PIK3R6: variants seen among roughly 807,000 people sequenced by gnomAD.
The protein encoded by PIK3R6 is phosphoinositide 3-kinase regulatory subunit 6.
In PIK3R6, 91 loss-of-function variants were observed where a neutral mutation model predicts 84.9. The ratio of observed to expected loss-of-function variants is 1.07; its 90% confidence interval spans 0.90 to 1.28. PIK3R6 has a LOEUF of 1.28. Among genes scored for constraint, PIK3R6 ranks in the 50% most tolerant of loss-of-function variants. PIK3R6 has a pLI of 0.00. For missense variants in PIK3R6, 996 were observed against 985.1 expected (o/e 1.01, Z -0.15); for synonymous variants, 416 against 411.4 (o/e 1.01, Z -0.13).
At chr17:8,865,080 C>T (rs2089375936) in intron 1 of PIK3R6, among the ~76,000 whole-genome samples, 1 of 152,156 alleles carries the variant, frequency 6.6e-6, no homozygotes, top group Non-Finnish European at 1.5e-5. Flanking sequence ...CTGTTCACAG[C>T]TGCTGCTCCC....
intron 2 of PIK3R6, among the ~76,000 whole-genome samples, chr17:8,848,643 G>A (rs755191803): frequency 1.6e-4 from 24 of 152,166 alleles, no homozygotes; most frequent in Non-Finnish European, 3.4e-4. Context: ...AAGGCTCGTC[G>A]TTGACCAAAA....
intron 1 of PIK3R6, among the ~76,000 whole-genome samples, chr17:8,861,001 C>G (rs186051688): frequency 5.3e-4 from 80 of 152,210 alleles, no homozygotes; most frequent in African/African-American, 1.9e-3. Context: ...TCAAGACCAG[C>G]CTGGCCAACA....
At chr17:8,824,342 C>G (rs928587701) in intron 13 of PIK3R6, among the ~76,000 whole-genome samples, 2 of 152,206 alleles carry the variant, frequency 1.3e-5, no homozygotes, top group African/African-American at 4.8e-5. Context: ...CAGTCCTTCC[C>G]TGGTCCCATA....
intron 18 of PIK3R6, among the ~76,000 whole-genome samples, chr17:8,814,156 T>G (rs930607186): frequency 1.4e-5 from 2 of 148,118 alleles, no homozygotes; most frequent in Non-Finnish European, 3.0e-5. Context: ...GACTGCCCAC[T>G]GAGAAGCCCA....
At position 8,862,482 on chromosome 17, in the gene PIK3R6, G is replaced by A. The variant is rs2089306940; in HGVS notation, c.-92+5047C>T. 6.6e-6 allele frequency among the ~76,000 whole-genome samples: 1 copy of A among 152,108 alleles called. No individual in the cohort carries two copies. The highest frequency in any genetic ancestry group is 2.1e-4 in the South Asian group (1 of 4,832). ...TCAGAATACTGCAAAGAAGACACTG[G>A]TCCCATAAGAAATGTGGAGACAGAC... On this transcript the variant is annotated intron_variant, in intron 1 of 19. Transcript: ENST00000619866. This position sits in a 1 kb window ranked among gnomAD's most constrained non-coding sequence, Gnocchi z 4.3.
chr17:8,828,106 A>G lies in PIK3R6; in HGVS notation c.1392+6T>C. 5 of 1,613,712 alleles carry G rather than the reference A, an allele frequency of 3.1e-6. No homozygotes were observed. The highest frequency in any genetic ancestry group is 4.2e-6 in the Non-Finnish European group (5 of 1,179,750). ...CCCCGCCACCGCCTCCCCGCGGTCC[A>G]GTCACCTCAGGCGCCAGCACGGGGA... On this transcript the variant is annotated splice_donor_region_variant and intron_variant, in intron 12 of 19. Transcript: ENST00000619866.
At chr17:8,837,720 A>G (rs2088526673) in intron 5 of PIK3R6, 83 bp downstream of exon 5, 2 of 1,219,984 alleles carry the variant, frequency 1.6e-6, no homozygotes, top group Non-Finnish European at 2.4e-6. Context: ...CCTGGCGGAG[A>G]CTGAGTGCCC....
Position 8,828,787 on chromosome 17 carries a change from CG to C in PIK3R6, c.1092del (p.Leu366CysfsTer17). ...TTGATGCCCCCTTTGCGCTGCAGCC[CG>C]GCTCGCTCCATCTCAGGGCTGCCGG... Reference protein sequence around the residue: ...PAPGSPEMERAGLQRKGGIKK... With the variant: ...PAPGSPEMERXGLQRKGGIKK... On this transcript the variant is annotated frameshift_variant, in exon 11 of 20. Transcript: ENST00000619866. LOFTEE classifies it high-confidence loss of function. 3 of 1,586,788 alleles carry C rather than the reference CG, an allele frequency of 1.9e-6. No individual in the cohort carries two copies. Among genetic ancestry groups the C allele is most frequent in the Non-Finnish European group, 2.6e-6 (3 of 1,164,340 alleles).
Position 8,834,844 on chromosome 17 carries a change from G to GT in PIK3R6, c.645+428dup, listed in dbSNP as rs35887127. Among the ~76,000 whole-genome samples the GT allele has an allele frequency of 1.8e-3, 260 of 147,206 alleles. 1 individual carries two copies. Among genetic ancestry groups the GT allele is most frequent in the Admixed American group, 3.5e-3 (52 of 14,748 alleles). ...GGCATTATCTTATATCTTATTATTG[G>GT]TTTTTTTTTTGGAAATGGAGTCTCT... is the stretch of plus-strand genomic sequence containing the variant. On this transcript the variant is annotated intron_variant, in intron 8 of 19. Coordinates refer to ENST00000619866, the MANE Select transcript of PIK3R6 (RefSeq NM_001010855.4).
chr17:8,843,198 C>T (rs1345072951), intron 2 of PIK3R6, among the ~76,000 whole-genome samples: 1 of 152,214 alleles, frequency 6.6e-6, no homozygotes, highest in East Asian at 1.9e-4. Context: ...GCATTTCCAC[C>T]TTGCATGAAG....
chr17:8,846,686 G>A lies in PIK3R6; in HGVS notation c.13+3096C>T, dbSNP rs549930070. Among the ~76,000 whole-genome samples the A allele has an allele frequency of 3.3e-5, 5 of 151,924 alleles. No individual in the cohort carries two copies. In the East Asian group the frequency reaches 9.7e-4, roughly 29 times the overall value. ...CTTGTAAAGATCTTTCACCTCCTTG[G>A]ATATCTGACATTTAAACAGCACTTG... On this transcript the variant is annotated intron_variant, in intron 2 of 19. Coordinates refer to ENST00000619866, the MANE Select transcript of PIK3R6 (RefSeq NM_001010855.4).
rs1228600078 is a variant in PIK3R6, at chr17:8,844,360, T to G, written c.14-4663A>C. 6.6e-6 allele frequency among the ~76,000 whole-genome samples: 1 copy of G among 152,216 alleles called. No homozygotes were observed. The highest frequency in any genetic ancestry group is 1.9e-4 in the East Asian group (1 of 5,192). On this transcript the variant is annotated intron_variant, in intron 2 of 19. Coordinates refer to ENST00000619866, the MANE Select transcript of PIK3R6 (RefSeq NM_001010855.4). The surrounding 1 kb of genome is among the most constrained non-coding windows in gnomAD (Gnocchi z 4.5). ...AGGGGGAAGCACTCCAAGTGAATGA[T>G]GCTAGAGTTCATCCTAACCTTGGAA... is the stretch of plus-strand genomic sequence containing the variant.
rs1355718743 is a variant in PIK3R6 at position 8,862,148 on chromosome 17, T to C, written c.-92+5381A>G. On this transcript the variant is annotated intron_variant, in intron 1 of 19. Coordinates refer to ENST00000619866, the MANE Select transcript of PIK3R6 (RefSeq NM_001010855.4). This position sits in a 1 kb window ranked among gnomAD's most constrained non-coding sequence, Gnocchi z 4.3. ...GAGTCATCCCCTGGGGGTCTTGGAG[T>C]GTGTCCCCTGCAGGTAAGGGGACTA... 3.3e-5 allele frequency among the ~76,000 whole-genome samples: 5 copies of C among 152,070 alleles called. No homozygotes were observed. In the East Asian group the frequency reaches 9.7e-4, roughly 29 times the overall value.
chr17:8,865,608 G>GT (rs776977752), intron 1 of PIK3R6, among the ~76,000 whole-genome samples: 9,990 of 143,114 alleles, frequency 0.07, 1,103 homozygotes, highest in African/African-American at 0.24. Context: ...TCATAGCTGT[G>GT]TTTTTTTTTT....
rs1194846997 is a variant in PIK3R6, at chr17:8,835,307, G to A, written c.611C>T (p.Ala204Val). The A allele has an allele frequency of 6.3e-7, 1 of 1,591,928 alleles. No individual in the cohort carries two copies. The highest frequency in any genetic ancestry group is 8.6e-7 in the Non-Finnish European group (1 of 1,166,226). The change falls in exon 8 of 20, where the codon GCC (alanine) becomes GTC (valine). Residue 204 changes from alanine to valine, a missense_variant. Transcript: ENST00000619866. ...CCTGTGCAGAGCGCCTGCGTGACAG[G>A]CCTCCCCCAGAGCCGCCTGCAGGGC... Reference protein sequence around the residue: ...SHALQAALGEACHAGALHRKL... With the variant: ...SHALQAALGEVCHAGALHRKL...
rs1289439085 is a variant in PIK3R6 at position 8,828,617 on chromosome 17, G to T, written c.1263C>A (p.Leu421=). The change falls in exon 11 of 20, where the codon CTC becomes CTA. Residue 421 remains leucine, a synonymous_variant. Transcript: ENST00000619866. The part of the protein sequence containing the change: ...SRLHTARVLV[L]GDDRMLGRLA... ...GGCGCCCCAGCATCCTGTCATCTCCGAGCACAAGTACCCGGGCTGTGTGCA... is the reference window on the plus strand; with the variant it reads ...GGCGCCCCAGCATCCTGTCATCTCCTAGCACAAGTACCCGGGCTGTGTGCA... 1 of 1,613,386 alleles carries T rather than the reference G, an allele frequency of 6.2e-7. No individual in the cohort carries two copies.
chr17:8,829,354 T>C (rs1314453405), intron 10 of PIK3R6, among the ~76,000 whole-genome samples: 2 of 107,338 alleles, frequency 1.9e-5, no homozygotes, highest in South Asian at 2.9e-4. Context: ...ACAGACACAC[T>C]GACACACACA....
intron 18 of PIK3R6, among the ~76,000 whole-genome samples, chr17:8,807,346 T>A (rs1264122880): frequency 6.6e-6 from 1 of 152,116 alleles, no homozygotes; most frequent in Non-Finnish European, 1.5e-5. Flanking sequence ...CCAGCTAAGA[T>A]GAGGATCCTG....
intron 18 of PIK3R6, among the ~76,000 whole-genome samples, chr17:8,807,416 A>G (rs748576017): frequency 2.0e-5 from 3 of 152,142 alleles, no homozygotes; most frequent in Non-Finnish European, 4.4e-5. Context: ...AGTGTCACAA[A>G]TGTTTCCATA....
Sources: gnomAD v4.1 joint callset for allele counts (sites outside exome capture counted in the v4.1 genomes callset) on GRCh38, gnomAD v4.1.1 for gene constraint, Gnocchi (gnomAD v3.1) non-coding constraint, MANE v1.5 for transcripts, NCBI Gene and HGNC (gene_info 2026-07-23, HGNC 2026-07-21) for gene names.